The following LY75 variants were observed in gnomAD, a reference collection of about 807,000 sequenced individuals.
The protein encoded by LY75 is lymphocyte antigen 75.
A neutral mutation model predicts 231.7 loss-of-function variants in LY75; 185 were observed. The observed-to-expected ratio is 0.80, with a 90% CI of 0.71 to 0.90. The LOEUF (loss-of-function observed/expected upper bound fraction) is 0.90, where lower values mean the gene tolerates loss of function less well. Ranked by LOEUF, LY75 falls within the 40% of genes least tolerant of loss-of-function variation. LY75 has a pLI of 0.00. For synonymous variants in LY75, 668 were observed against 689.0 expected, an observed-to-expected ratio of 0.97 and a Z score of 0.48; for missense variants, 1,947 against 2,050.2, an observed-to-expected ratio of 0.95 and a Z score of 0.97.
intron 28 of LY75, among the ~76,000 whole-genome samples, chr2:159,825,432 C>A (rs1362988015): frequency 6.6e-6 from 1 of 152,162 alleles, no homozygotes; most frequent in Non-Finnish European, 1.5e-5. Context: ...CCTGAATAAG[C>A]CAATAACAAG....
chr2:159,904,735 C>G lies in LY75; in HGVS notation c.-53G>C. On this transcript the variant is annotated 5_prime_UTR_variant, in exon 1 of 35. Transcript: ENST00000263636. ...GGTCCTCGGGCGCACGCGGCTCCCG[C>G]CCCGCCTGCTGAGCGCGGCCTGCCC... 7.3e-7 allele frequency: 1 copy of G among 1,364,650 alleles called. No individual in the cohort carries two copies. The highest frequency in any genetic ancestry group is 9.4e-7 in the Non-Finnish European group (1 of 1,063,982). 84.5% of individuals were successfully genotyped at this position (1,364,650 alleles called of 1,614,324 possible).
chr2:159,868,299 G>GTCTTC (rs1684911881), intron 13 of LY75, among the ~76,000 whole-genome samples: 2 of 152,082 alleles, frequency 1.3e-5, no homozygotes, highest in South Asian at 4.1e-4. Flanking sequence ...TCTCTGTGCT[G>GTCTTC]TTCTGTTTTC....
At chr2:159,844,749 C>T (rs577815901) in intron 23 of LY75, among the ~76,000 whole-genome samples, 1 of 150,260 alleles carries the variant, frequency 6.7e-6, no homozygotes, top group African/African-American at 2.4e-5. Context: ...ACAATAGCTT[C>T]CCCACAAATC....
At position 159,882,160 on chromosome 2, in the gene LY75, C is replaced by A. The variant is rs747490671; in HGVS notation, c.1210G>T (p.Asp404Tyr). ...SDLISIHSLA[D>Y]VEVVVTKLHN... ...AGTTTTGTGACAACCACCTCCACAT[C>A]TGCTAGAGAATGAATGCTGATTAGG... The change falls in exon 7 of 35, where the codon GAT becomes TAT. Residue 404 changes from aspartate to tyrosine, a missense_variant. Coordinates refer to ENST00000263636, the MANE Select transcript of LY75 (RefSeq NM_002349.4). 3.7e-6 allele frequency: 6 copies of A among 1,613,688 alleles called. No homozygotes were observed. In the East Asian group the frequency reaches 1.3e-4, roughly 36 times the overall value.
chr2:159,870,797 C>T (rs1192243781), intron 13 of LY75, among the ~76,000 whole-genome samples: 1 of 152,054 alleles, frequency 6.6e-6, no homozygotes, highest in African/African-American at 2.4e-5. Context: ...CAGGCATAAG[C>T]CACCACACCC....
chr2:159,850,581 T>A, intron 21 of LY75, 114 bp from the exon 22 acceptor site: 1 of 1,323,796 alleles, frequency 7.6e-7, no homozygotes, highest in Non-Finnish European at 1.0e-6. Flanking sequence ...TGAGATATGG[T>A]AATTTGCAAT....
At chr2:159,820,689 AT>A (rs1387189584) in intron 28 of LY75, among the ~76,000 whole-genome samples, 2 of 152,236 alleles carry the variant, frequency 1.3e-5, no homozygotes, top group Admixed American at 6.5e-5. Context: ...AAATAAAAAA[AT>A]ATTATTTTCT....
chr2:159,883,513 G>T (rs952948396), intron 6 of LY75, among the ~76,000 whole-genome samples: 45 of 152,096 alleles, frequency 3.0e-4, no homozygotes, highest in Admixed American at 2.9e-3. Context: ...TTGTCTCAAT[G>T]AATACATATT....
chr2:159,868,864 A>G (rs1212438870), intron 13 of LY75, among the ~76,000 whole-genome samples: 1 of 152,182 alleles, frequency 6.6e-6, no homozygotes, highest in East Asian at 1.9e-4. Context: ...TTGAAATCTA[A>G]GGGCCATTAA....
intron 12 of LY75, among the ~76,000 whole-genome samples, chr2:159,873,745 TTTTGTAAAA>T (rs1278344129): frequency 1.6e-5 from 2 of 128,470 alleles, no homozygotes; most frequent in African/African-American, 6.9e-5. Flanking sequence ...AATATATACA[TTTTGTAAAA>T]ATATACATAA....
intron 33 of LY75, 141 bp downstream of exon 33, chr2:159,808,308 G>T (rs1339339373): frequency 3.5e-6 from 5 of 1,446,034 alleles, no homozygotes; most frequent in Admixed American, 2.4e-5. Context: ...TAACCATCCA[G>T]AACAGCCAGC....
At chr2:159,834,003 G>A in intron 27 of LY75, 41 bp downstream of exon 27, 2 of 1,592,606 alleles carry the variant, frequency 1.3e-6, no homozygotes, top group South Asian at 2.3e-5. Flanking sequence ...CCTCGGGTAT[G>A]TCCTTATAGC....
Position 159,875,458 on chromosome 2 carries a change from G to C in LY75, c.1960C>G (p.Leu654Val), listed in dbSNP as rs141415107. 54 of 1,613,070 alleles carry C rather than the reference G, an allele frequency of 3.3e-5. No homozygotes were observed. Among genetic ancestry groups the C allele is most frequent in the Non-Finnish European group, 4.6e-5 (54 of 1,179,664 alleles). Residue 654 changes from leucine (L) to valine (V), a missense_variant, in exon 12 of 35, where the codon CTT becomes GTT. Transcript: ENST00000263636. ...TGTCACTTTACCTTATAACAAGAAAGACTTGCGGGGAAACTCTGCCAGCCT... is the reference window on the plus strand; with the variant it reads ...TGTCACTTTACCTTATAACAAGAAACACTTGCGGGGAAACTCTGCCAGCCT... Reference protein sequence around the residue: ...PEGWQSFPASLSCYKVFHAER... With the variant: ...PEGWQSFPASVSCYKVFHAER...
intron 14 of LY75, among the ~76,000 whole-genome samples, chr2:159,862,631 GAC>G (rs749906154): frequency 9.2e-5 from 14 of 151,772 alleles, no homozygotes; most frequent in Non-Finnish European, 2.1e-4. Context: ...TTTCAATAAA[GAC>G]ACATAATTTT....
intron 19 of LY75, 123 bp from the exon 20 acceptor site, chr2:159,853,475 T>C (rs1480584451): frequency 6.8e-7 from 1 of 1,466,272 alleles, no homozygotes; most frequent in African/African-American, 1.4e-5. Context: ...ACCCCTTTTT[T>C]CTTGATGCTA....
intron 13 of LY75, among the ~76,000 whole-genome samples, chr2:159,869,675 T>G (rs1246997084): frequency 6.6e-6 from 1 of 152,188 alleles, no homozygotes; most frequent in Non-Finnish European, 1.5e-5. Context: ...GGGAACAGAA[T>G]GCTGCCACAG....
chr2:159,849,269 C>T lies in LY75; in HGVS notation c.3150+711G>A, dbSNP rs558400505. On this transcript the variant is annotated intron_variant, in intron 23 of 34. Transcript: ENST00000263636. ...TTTTATGTTAATTTCTCAATCTTTG[C>T]CCTTTGTGCAAAAGGTAATCTGCAT... is the stretch of plus-strand genomic sequence containing the variant. 2.6e-5 allele frequency among the ~76,000 whole-genome samples: 4 copies of T among 152,288 alleles called. No homozygotes were observed. The East Asian group carries it at 7.7e-4, about 29-fold the overall frequency.
Position 159,885,243 on chromosome 2 carries a change from C to A in LY75, c.964G>T (p.Ala322Ser). The A allele has an allele frequency of 6.2e-7, 1 of 1,613,718 alleles. No individual in the cohort carries two copies. Among genetic ancestry groups the A allele is most frequent in the Non-Finnish European group, 8.5e-7 (1 of 1,179,716 alleles). The change falls in exon 6 of 35, where the codon GCT becomes TCT. Residue 322 changes from alanine (A) to serine (S), a missense_variant. By Grantham distance (99) the Ala-to-Ser change is moderately conservative. Coordinates refer to ENST00000263636, the MANE Select transcript of LY75 (RefSeq NM_002349.4). ...AAGCTCTGCCACAGACCAGACTCAG[C>A]ATCCATTCTTGCACAGCTGGAGCCA... ...IGGSSCARMD[A>S]ESGLWQSFSC...
intron 16 of LY75, among the ~76,000 whole-genome samples, chr2:159,856,599 A>G (rs538897857): frequency 1.1e-3 from 168 of 152,312 alleles, no homozygotes; most frequent in Non-Finnish European, 1.9e-3. Context: ...AAAAGGGTGA[A>G]CATAACATTT....
Sources: allele counts gnomAD v4.1 joint callset (sites outside exome capture counted in the v4.1 genomes callset), GRCh38; gene constraint gnomAD v4.1.1; transcripts MANE v1.5; gene names NCBI Gene and HGNC (gene_info 2026-07-23, HGNC 2026-07-21).